TMEM167A: variants seen among roughly 807,000 people sequenced by gnomAD.
The protein encoded by TMEM167A is transmembrane protein 167A.
TMEM167A carries 8 observed loss-of-function variants against 11.6 expected under a neutral mutation model. The observed-to-expected ratio is 0.69, with a 90% CI of 0.40 to 1.24. The LOEUF is 1.24. Ranked by LOEUF, TMEM167A falls within the 50% of genes most tolerant of loss-of-function variation. The pLI is 0.01. For synonymous variants in TMEM167A, 22 were observed against 28.0 expected, an observed-to-expected ratio of 0.79 and a Z score of 0.67; for missense variants, 62 against 87.0, an observed-to-expected ratio of 0.71 and a Z score of 1.14.
intron 1 of TMEM167A, among the ~76,000 whole-genome samples, chr5:83,075,737 T>C (rs1163611914): frequency 2.2e-5 from 3 of 135,234 alleles, no homozygotes; most frequent in African/African-American, 8.4e-5. Flanking sequence ...AGAGGGAGAC[T>C]CCATCTCAAA....
At chr5:83,061,132 G>A (rs1744400776) in intron 3 of TMEM167A, among the ~76,000 whole-genome samples, 1 of 152,096 alleles carries the variant, frequency 6.6e-6, no homozygotes, top group Non-Finnish European at 1.5e-5. Flanking sequence ...GGGTTCAATA[G>A]ACAAAACAGT....
At chr5:83,057,216 G>A in intron 3 of TMEM167A, 62 bp from the exon 4 acceptor site, 1 of 1,436,134 alleles carries the variant, frequency 7.0e-7, no homozygotes. Flanking sequence ...CTATGACAAG[G>A]TTATACTACC....
At chr5:83,070,719 T>C (rs573460075) in intron 1 of TMEM167A, among the ~76,000 whole-genome samples, 2 of 152,264 alleles carry the variant, frequency 1.3e-5, no homozygotes, top group East Asian at 1.9e-4. Context: ...ATTTGAAAAA[T>C]TAGTTTTTAG....
rs899674371 is a variant in TMEM167A, at chr5:83,056,440, G to T, written c.*644C>A. ...CAGAGCCTACTATGTCATTTGGCTA[G>T]TCTAAATCCACTAATGTTAACTATC... On this transcript the variant is annotated 3_prime_UTR_variant, in exon 4 of 4. Coordinates refer to ENST00000502346, the MANE Select transcript of TMEM167A (RefSeq NM_174909.5). 1 of 152,058 alleles carries T rather than the reference G, an allele frequency of 6.6e-6. No homozygotes were observed. The highest frequency in any genetic ancestry group is 2.4e-5 in the African/African-American group (1 of 41,400). The allele number at this position is 152,058 out of a possible 1,614,324, so 9.4% of individuals were successfully genotyped here.
intron 3 of TMEM167A, among the ~76,000 whole-genome samples, chr5:83,059,888 A>C (rs1744383919): frequency 6.6e-6 from 1 of 151,668 alleles, no homozygotes; most frequent in African/African-American, 2.4e-5. Flanking sequence ...CTGTCTCTCT[A>C]TTTTGTCAAA....
At chr5:83,071,540 T>C (rs1358277738) in intron 1 of TMEM167A, 2 of 152,022 alleles carry the variant, frequency 1.3e-5, no homozygotes, top group African/African-American at 4.8e-5. Context: ...ATGCAAAACA[T>C]GAAAATGCAA....
intron 3 of TMEM167A, among the ~76,000 whole-genome samples, chr5:83,058,581 A>G (rs1744364750): frequency 1.3e-5 from 2 of 152,090 alleles, no homozygotes; most frequent in South Asian, 4.1e-4. Context: ...AATTTCAGAA[A>G]GACTTCGTAA....
chr5:83,067,678 T>A (rs1744502688), intron 1 of TMEM167A, among the ~76,000 whole-genome samples: 1 of 149,802 alleles, frequency 6.7e-6, no homozygotes, highest in Non-Finnish European at 1.5e-5. Context: ...CTAAATTTTG[T>A]ATTTTTTTTT....
chr5:83,071,399 G>A (rs1337523602), intron 1 of TMEM167A: 1 of 152,008 alleles, frequency 6.6e-6, no homozygotes, highest in Non-Finnish European at 1.5e-5. Flanking sequence ...CTTTTTGGGG[G>A]TGGAAGGGAA....
rs541187696 is a variant in TMEM167A at position 83,070,309 on chromosome 5, TCTTCTA to T, written c.4-5198_4-5193del. ...ACCATTACTCTGAGAGCTATGTCAT[TCTTCTA>T]AAACATGGCAATGGAGGCCTCCAAA... is the stretch of plus-strand genomic sequence containing the variant. On this transcript the variant is annotated intron_variant, in intron 1 of 3. Transcript: ENST00000502346. 1.1e-4 allele frequency among the ~76,000 whole-genome samples: 17 copies of T among 152,304 alleles called. No individual in the cohort carries two copies. In the South Asian group the frequency reaches 3.5e-3, roughly 32 times the overall value.
In TMEM167A at chr5:83,052,879, G is replaced by C. The variant is rs1744278709; in HGVS notation, c.*4205C>G. 1 of 151,774 alleles carries C rather than the reference G, an allele frequency of 6.6e-6. No individual in the cohort carries two copies. The highest frequency in any genetic ancestry group is 6.6e-5 in the Admixed American group (1 of 15,198). The allele number at this position is 151,774 out of a possible 1,614,324, so 9.4% of individuals were successfully genotyped here. A position where few individuals can be genotyped will look rare whatever the true frequency, so the allele number is the denominator to read the frequency against. On this transcript the variant is annotated 3_prime_UTR_variant, in exon 4 of 4. Coordinates refer to ENST00000502346, the MANE Select transcript of TMEM167A (RefSeq NM_174909.5). ...TCATCTTGACTTTTATTACACACTA[G>C]ACATATATGAACTAATCAGAGATGT... is the stretch of plus-strand genomic sequence containing the variant.
At chr5:83,064,469 A>G (rs960775492) in intron 2 of TMEM167A, 1 of 410,358 alleles carries the variant, frequency 2.4e-6, no homozygotes, top group Non-Finnish European at 4.7e-6. Context: ...GAATTCCAAT[A>G]AAGTCATCAA....
chr5:83,065,689 C>T (rs1744471809), intron 1 of TMEM167A, among the ~76,000 whole-genome samples: 1 of 151,990 alleles, frequency 6.6e-6, no homozygotes, highest in Non-Finnish European at 1.5e-5. Context: ...TGCAATTATT[C>T]CAAAATCCCA....
chr5:83,067,516 G>A (rs1486075800), intron 1 of TMEM167A, among the ~76,000 whole-genome samples: 1 of 151,926 alleles, frequency 6.6e-6, no homozygotes, highest in Non-Finnish European at 1.5e-5. Context: ...TTTTGGTGGG[G>A]GGTGGAGGGA....
In TMEM167A at chr5:83,077,347, C is replaced by T; in HGVS notation, c.-24G>A. 1 of 1,614,172 alleles carries T rather than the reference C, an allele frequency of 6.2e-7. No individual in the cohort carries two copies. The highest frequency in any genetic ancestry group is 8.5e-7 in the Non-Finnish European group (1 of 1,180,018). On this transcript the variant is annotated 5_prime_UTR_variant, in exon 1 of 4. An upstream open reading frame in the 5' UTR gains an earlier in-frame stop. Coordinates refer to ENST00000502346, the MANE Select transcript of TMEM167A (RefSeq NM_174909.5). ...ATAGCGAGGCCGGCGATGCCGCAGC[C>T]ACATCACCCTTCCGGGGCTCAGGCG... is the stretch of plus-strand genomic sequence containing the variant.
chr5:83,070,250 A>C (rs1744541071), intron 1 of TMEM167A, among the ~76,000 whole-genome samples: 1 of 152,146 alleles, frequency 6.6e-6, no homozygotes, highest in African/African-American at 2.4e-5. Flanking sequence ...CTGAGTACGC[A>C]GGTTCTGTAA....
intron 1 of TMEM167A, among the ~76,000 whole-genome samples, chr5:83,066,424 T>C (rs1375018326): frequency 1.3e-5 from 2 of 152,148 alleles, no homozygotes; most frequent in African/African-American, 2.4e-5. Context: ...CTTAAGGAAA[T>C]TGAGTAAGGT....
At chr5:83,057,867 C>T (rs142105371) in intron 3 of TMEM167A, among the ~76,000 whole-genome samples, 5 of 152,026 alleles carry the variant, frequency 3.3e-5, no homozygotes, top group Admixed American at 1.3e-4. Context: ...TGAATTGTCT[C>T]GCAAACAGAT....
At chr5:83,060,635 G>A (rs1244135466) in intron 3 of TMEM167A, among the ~76,000 whole-genome samples, 3 of 151,976 alleles carry the variant, frequency 2.0e-5, no homozygotes, top group Non-Finnish European at 4.4e-5. Context: ...TTGGAGAGCA[G>A]CCTGGCCGAC....
Sources: allele counts gnomAD v4.1 joint callset (sites outside exome capture counted in the v4.1 genomes callset), GRCh38; gene constraint gnomAD v4.1.1; transcripts MANE v1.5; gene names NCBI Gene and HGNC (gene_info 2026-07-23, HGNC 2026-07-21).